The following MAP3K2 variants were observed in gnomAD, a reference collection of about 807,000 sequenced individuals.
The protein encoded by MAP3K2 is MAP/ERK kinase kinase 2.
MAP3K2 carries 24 observed loss-of-function variants against 80.3 expected under a neutral mutation model. The observed-to-expected ratio is 0.30, with a 90% confidence interval of 0.22 to 0.42. The LOEUF (loss-of-function observed/expected upper bound fraction) is 0.42. MAP3K2 is among the 10% of genes least tolerant of loss of function. MAP3K2 has a pLI of 1.00. For synonymous variants in MAP3K2, 244 were observed against 253.7 expected (o/e 0.96, Z 0.36); for missense variants, 608 against 750.1 (o/e 0.81, Z 2.21).
At chr2:127,375,406 A>ATTTTTTTTTT (rs200517629) in intron 1 of MAP3K2, among the ~76,000 whole-genome samples, 1 of 140,320 alleles carries the variant, frequency 7.1e-6, no homozygotes, top group South Asian at 2.5e-4. Flanking sequence ...ATTATTATTT[A>ATTTTTTTTTT]TTTATTTATT....
At chr2:127,353,709 C>T (rs1453500510) in intron 1 of MAP3K2, among the ~76,000 whole-genome samples, 6 of 152,036 alleles carry the variant, frequency 3.9e-5, no homozygotes, top group Non-Finnish European at 7.4e-5. Flanking sequence ...GTGAGGAGCC[C>T]CTCTGCCCGG....
intron 7 of MAP3K2, 147 bp downstream of exon 7, chr2:127,329,774 A>G: frequency 1.7e-6 from 1 of 575,700 alleles, no homozygotes; most frequent in East Asian, 3.0e-5. Flanking sequence ...GGGACGTCAA[A>G]TATTAGAGTG....
At chr2:127,384,215 T>TAC (rs71394684) in intron 1 of MAP3K2, among the ~76,000 whole-genome samples, 1 of 64,600 alleles carries the variant, frequency 1.5e-5, no homozygotes, top group African/African-American at 4.2e-5. Flanking sequence ...TTTTAATTGA[T>TAC]ATATATATAT....
At chr2:127,374,991 T>G (rs1051215454) in intron 1 of MAP3K2, among the ~76,000 whole-genome samples, 37 of 152,234 alleles carry the variant, frequency 2.4e-4, no homozygotes, top group African/African-American at 8.4e-4. Context: ...CCCTTAATTT[T>G]TAAAATTTAA....
intron 1 of MAP3K2, among the ~76,000 whole-genome samples, chr2:127,384,314 A>G (rs1687307168): frequency 6.6e-6 from 1 of 152,026 alleles, no homozygotes; most frequent in Admixed American, 6.6e-5. Flanking sequence ...TGTGAAACTA[A>G]AAAAAGAAAA....
rs1355695249 is a variant in MAP3K2 at position 127,299,058 on chromosome 2, C to G, written c.*8521G>C. On this transcript the variant is annotated 3_prime_UTR_variant, in exon 17 of 17. Transcript: ENST00000682094. ...CACAATTTTGAATGACAAACAAAAT[C>G]AAAATGTGCATGAAATGTTGCACGT... The G allele has an allele frequency of 8.6e-5, 13 of 151,984 alleles. No individual in the cohort carries two copies. Among genetic ancestry groups the G allele is most frequent in the Admixed American group, 8.5e-4 (13 of 15,260 alleles). The allele number at this position is 151,984 out of a possible 1,614,324, so 9.4% of individuals were successfully genotyped here. A position where few individuals can be genotyped will look rare whatever the true frequency, so the allele number is the denominator to read the frequency against.
chr2:127,367,894 G>A lies in MAP3K2; in HGVS notation c.-66+19558C>T, dbSNP rs146711814. ...ATGATAATGAAACACATCTAAACAC[G>A]TCTAAGTCACAAATCTAAAATAAAA... On this transcript the variant is annotated intron_variant, in intron 1 of 16. Coordinates refer to ENST00000682094, the MANE Select transcript of MAP3K2 (RefSeq NM_001371910.2). 3.5e-3 allele frequency among the ~76,000 whole-genome samples: 531 copies of A among 152,284 alleles called. 3 individuals are homozygous for A. The highest frequency in any genetic ancestry group is 0.012 in the African/African-American group (483 of 41,544).
In MAP3K2 at chr2:127,363,639, T is replaced by C. The variant is rs548946335; in HGVS notation, c.-65-20445A>G. On this transcript the variant is annotated intron_variant, in intron 1 of 16. Coordinates refer to ENST00000682094, the MANE Select transcript of MAP3K2 (RefSeq NM_001371910.2). ...AATTCCTGTAATCCTCTTCATTCCA[T>C]GCTTTGTAAAAATGTTATTTGTGTA... Among the ~76,000 whole-genome samples the C allele has an allele frequency of 5.3e-5, 8 of 152,352 alleles. No homozygotes were observed. In the South Asian group the frequency reaches 1.4e-3, roughly 28 times the overall value.
At chr2:127,325,432 G>A (rs1168248144) in intron 9 of MAP3K2, among the ~76,000 whole-genome samples, 2 of 152,088 alleles carry the variant, frequency 1.3e-5, no homozygotes, top group African/African-American at 2.4e-5. Context: ...TAATCCCAGC[G>A]CTTTAGGAGA....
At position 127,378,752 on chromosome 2, in the gene MAP3K2, G is replaced by C. The variant is rs568236863; in HGVS notation, c.-66+8700C>G. Among the ~76,000 whole-genome samples the C allele has an allele frequency of 2.0e-5, 3 of 152,092 alleles. No homozygotes were observed. The East Asian group carries it at 5.8e-4, about 29-fold the overall frequency. Reference sequence around the variant, plus strand: ...ACTGCTTTACATCTATATGGTTTTTGTGTTTGTTTGTTTTCTGGGTTTTTC... The same window carrying C: ...ACTGCTTTACATCTATATGGTTTTTCTGTTTGTTTGTTTTCTGGGTTTTTC... On this transcript the variant is annotated intron_variant, in intron 1 of 16. Transcript: ENST00000682094.
chr2:127,334,962 G>A (rs1204163624), intron 5 of MAP3K2, among the ~76,000 whole-genome samples: 3 of 152,018 alleles, frequency 2.0e-5, no homozygotes, highest in Admixed American at 1.3e-4. Flanking sequence ...GTAGAGATGG[G>A]GTTTTACCAC....
rs1016815274 is a variant in MAP3K2 at position 127,300,088 on chromosome 2, T to C, written c.*7491A>G. The C allele has an allele frequency of 1.3e-5, 2 of 152,132 alleles. No individual in the cohort carries two copies. The highest frequency in any genetic ancestry group is 1.9e-4 in the East Asian group (1 of 5,200). The allele number at this position is 152,132 out of a possible 1,614,324, so 9.4% of individuals were successfully genotyped here. ...TCCTGAGTTCTTCAACAAAGAACCA[T>C]AGATAAGTATAGTTTGTAAAAGCAA... On this transcript the variant is annotated 3_prime_UTR_variant, in exon 17 of 17. Transcript: ENST00000682094.
intron 5 of MAP3K2, among the ~76,000 whole-genome samples, chr2:127,333,076 A>G (rs1686290229): frequency 6.6e-6 from 1 of 151,632 alleles, no homozygotes; most frequent in Admixed American, 6.6e-5. Flanking sequence ...AGGCTCCAGT[A>G]AGCCATGACT....
intron 14 of MAP3K2, among the ~76,000 whole-genome samples, chr2:127,315,856 G>A (rs995387601): frequency 6.6e-6 from 1 of 151,104 alleles, no homozygotes; most frequent in Non-Finnish European, 1.5e-5. Flanking sequence ...AGGCTGAGGC[G>A]GGCAGATCAC....
At chr2:127,332,997 G>A (rs1274772196) in intron 5 of MAP3K2, among the ~76,000 whole-genome samples, 1 of 151,970 alleles carries the variant, frequency 6.6e-6, no homozygotes, top group Non-Finnish European at 1.5e-5. Context: ...AGGTATGGTA[G>A]TGCATGCCTG....
At chr2:127,316,441 T>C (rs1169086726) in intron 14 of MAP3K2, among the ~76,000 whole-genome samples, 3 of 152,138 alleles carry the variant, frequency 2.0e-5, no homozygotes, top group Non-Finnish European at 4.4e-5. Context: ...ATCACCACCT[T>C]GAAAATCATT....
intron 14 of MAP3K2, among the ~76,000 whole-genome samples, chr2:127,316,318 G>A (rs1441139955): frequency 1.3e-5 from 2 of 152,220 alleles, no homozygotes; most frequent in African/African-American, 4.8e-5. Context: ...AGGTTGCAGT[G>A]AGCTGAGATC....
chr2:127,325,735 A>G lies in MAP3K2; in HGVS notation c.670T>C (p.Leu224=). The change falls in exon 9 of 17, where the codon TTG becomes CTG. Residue 224 remains leucine, a synonymous_variant. Coordinates refer to ENST00000682094, the MANE Select transcript of MAP3K2 (RefSeq NM_001371910.2). ...AACTACGATAAACATTACCCATCCA[A>G]AGGACTATCAAGTGATGGACAACTT... ...SGSCPSLDSP[L]DGESYPKSRM... is the part of the protein sequence containing the mutation. 6.2e-7 allele frequency: 1 copy of G among 1,610,822 alleles called. No homozygotes were observed. Among genetic ancestry groups the G allele is most frequent in the Non-Finnish European group, 8.5e-7 (1 of 1,177,292 alleles).
At chr2:127,366,661 G>A (rs188834197) in intron 1 of MAP3K2, among the ~76,000 whole-genome samples, 49 of 152,124 alleles carry the variant, frequency 3.2e-4, no homozygotes, top group Admixed American at 7.9e-4. Flanking sequence ...AAGACTGTAT[G>A]TACAATTTTT....
Sources: allele counts gnomAD v4.1 joint callset (sites outside exome capture counted in the v4.1 genomes callset), GRCh38; gene constraint gnomAD v4.1.1; transcripts MANE v1.5; gene names NCBI Gene and HGNC (gene_info 2026-07-23, HGNC 2026-07-21).